The following BCO1 variants were observed in gnomAD, a reference collection of about 807,000 sequenced individuals.
The protein encoded by BCO1 is beta-carotene oxygenase 1.
A neutral mutation model predicts 56.3 loss-of-function variants in BCO1; 54 were observed. The ratio of observed to expected loss-of-function variants is 0.96; its 90% CI spans 0.77 to 1.20. The LOEUF is 1.20. BCO1 is among the 50% of genes most tolerant of loss of function. The pLI is 0.00. For missense variants in BCO1, 801 were observed against 690.9 expected, an observed-to-expected ratio of 1.16 and a Z score of -1.79; for synonymous variants, 318 against 266.1, an observed-to-expected ratio of 1.20 and a Z score of -1.90.
chr16:81,289,165 A>C (rs1447577918), intron 10 of BCO1, among the ~76,000 whole-genome samples: 1 of 152,244 alleles, frequency 6.6e-6, no homozygotes, highest in Admixed American at 6.5e-5. Flanking sequence ...ACGATGCTCA[A>C]CTGCTCTTCC....
chr16:81,268,824 G>C (rs550482855), intron 6 of BCO1, among the ~76,000 whole-genome samples: 1 of 152,154 alleles, frequency 6.6e-6, no homozygotes, highest in East Asian at 1.9e-4. Context: ...TGTCACCCAG[G>C]CTGGAGTGCA....
At chr16:81,246,865 AAAAG>A (rs1309264962) in intron 2 of BCO1, among the ~76,000 whole-genome samples, 8 of 151,222 alleles carry the variant, frequency 5.3e-5, no homozygotes, top group East Asian at 1.9e-4. Context: ...AAAAAAAAAA[AAAAG>A]AAGAGTACAG....
At chr16:81,264,926 T>C in intron 5 of BCO1, 139 bp downstream of exon 5, 2 of 935,836 alleles carry the variant, frequency 2.1e-6, no homozygotes, top group Non-Finnish European at 3.4e-6. Flanking sequence ...ATGAAGTCAG[T>C]ACTTTCCTTT....
At chr16:81,263,915 A>C (rs553600374) in intron 4 of BCO1, 7 of 153,080 alleles carry the variant, frequency 4.6e-5, no homozygotes, top group Admixed American at 1.9e-4. Flanking sequence ...CATCGGTCCA[A>C]CTGATGATGC....
At position 81,238,802 on chromosome 16, in the gene BCO1, G is replaced by T; in HGVS notation, c.-107G>T. On this transcript the variant is annotated 5_prime_UTR_variant, in exon 1 of 11. Transcript: ENST00000258168. Reference sequence around the variant, plus strand: ...GAGACAGAGATGTGAAGGAGGGAAGGAGCAGGAGAGCAGGAAGGAAACGCA... The same window carrying T: ...GAGACAGAGATGTGAAGGAGGGAAGTAGCAGGAGAGCAGGAAGGAAACGCA... The T allele has an allele frequency of 1.1e-6, 1 of 938,826 alleles. No homozygotes were observed. Among genetic ancestry groups the T allele is most frequent in the South Asian group, 1.3e-5 (1 of 75,806 alleles). 58.2% of individuals were successfully genotyped at this position (938,826 alleles called of 1,614,324 possible). A position where few individuals can be genotyped will look rare whatever the true frequency, so the allele number is the denominator to read the frequency against.
chr16:81,290,583 T>A lies in BCO1; in HGVS notation c.*6T>A. 6.2e-7 allele frequency: 1 copy of A among 1,609,768 alleles called. No individual in the cohort carries two copies. Among genetic ancestry groups the A allele is most frequent in the Non-Finnish European group, 8.5e-7 (1 of 1,178,250 alleles). Reference sequence around the variant, plus strand: ...ACGGGGCTCCTCTGACCTGATGGTGTTGGGGTTTGGGTAGGGGAGGGGAGC... The same window carrying A: ...ACGGGGCTCCTCTGACCTGATGGTGATGGGGTTTGGGTAGGGGAGGGGAGC... On this transcript the variant is annotated 3_prime_UTR_variant, in exon 11 of 11. Coordinates refer to ENST00000258168, the MANE Select transcript of BCO1 (RefSeq NM_017429.3).
At chr16:81,279,456 G>T (rs1907741498) in intron 7 of BCO1, among the ~76,000 whole-genome samples, 1 of 152,134 alleles carries the variant, frequency 6.6e-6, no homozygotes, top group East Asian at 1.9e-4. Flanking sequence ...AGTAGTAGTA[G>T]TATGGTAATA....
intron 2 of BCO1, 60 bp downstream of exon 2, chr16:81,245,663 T>C (rs572285070): frequency 2.9e-4 from 472 of 1,604,552 alleles, no homozygotes; most frequent in Non-Finnish European, 3.6e-4. Flanking sequence ...ATGCAGTGCC[T>C]TAAAACAGCA....
chr16:81,255,265 T>C (rs1374433572), intron 2 of BCO1, among the ~76,000 whole-genome samples: 1 of 152,178 alleles, frequency 6.6e-6, no homozygotes, highest in African/African-American at 2.4e-5. Context: ...AGGGCCAGCT[T>C]TAGATGCCCA....
rs181908444 is a variant in BCO1, at chr16:81,255,497, T to A, written c.194-4179T>A. Among the ~76,000 whole-genome samples, 1,330 of 151,198 alleles carry A rather than the reference T, an allele frequency of 8.8e-3. 18 individuals carry two copies. The highest frequency in any genetic ancestry group is 0.031 in the African/African-American group (1,241 of 40,608). On this transcript the variant is annotated intron_variant, in intron 2 of 10. Transcript: ENST00000258168. ...ATTAACAAATGACATTATGTTATTT[T>A]TTTTTATTTTTTATTTTTTTGAGAT...
chr16:81,267,629 G>T (rs1344339251), intron 5 of BCO1, among the ~76,000 whole-genome samples: 1 of 152,104 alleles, frequency 6.6e-6, no homozygotes. Flanking sequence ...ACCGGTGGAG[G>T]CAGGATTTAG....
At position 81,263,156 on chromosome 16, in the gene BCO1, A is replaced by T. The variant is rs866324140; in HGVS notation, c.471+873A>T. On this transcript the variant is annotated intron_variant, in intron 4 of 10. Transcript: ENST00000258168. ...AAAAGTGTCTTGCTCTGTCGCCCAG[A>T]CTGGAGTGCAGTGGTGCGATCTCAG... 3.5e-5 allele frequency: 5 copies of T among 144,506 alleles called. No individual in the cohort carries two copies. The South Asian group carries it at 1.1e-3, about 31-fold the overall frequency. The allele number at this position is 144,506 out of a possible 1,614,324, so 9.0% of individuals were successfully genotyped here.
At chr16:81,268,542 T>C (rs1906980032) in intron 6 of BCO1, among the ~76,000 whole-genome samples, 1 of 152,190 alleles carries the variant, frequency 6.6e-6, no homozygotes, top group African/African-American at 2.4e-5. Flanking sequence ...GCCAGAGGTT[T>C]AGACATTGTA....
intron 1 of BCO1, among the ~76,000 whole-genome samples, chr16:81,242,109 A>G (rs1004603451): frequency 1.0e-4 from 15 of 149,872 alleles, no homozygotes; most frequent in African/African-American, 3.7e-4. Flanking sequence ...GCTCTTTCTC[A>G]AGCCTGCCCC....
chr16:81,290,405 T>C lies in BCO1; in HGVS notation c.1472T>C (p.Ile491Thr). The change falls in exon 11 of 11, where the codon ATT becomes ACT. Residue 491 changes from isoleucine to threonine, a missense_variant. By Grantham distance (89) the Ile-to-Thr change is moderately conservative. Coordinates refer to ENST00000258168, the MANE Select transcript of BCO1 (RefSeq NM_017429.3). ...TDPQKLPFLLILDAKSFTELA... is the reference protein window; with the variant it reads ...TDPQKLPFLLTLDAKSFTELA... ...CCCCAAAAGCTGCCTTTTCTGCTCA[T>C]TCTGGATGCCAAAAGCTTTACGGAA... 6.2e-7 allele frequency: 1 copy of C among 1,614,232 alleles called. No individual in the cohort carries two copies. The highest frequency in any genetic ancestry group is 8.5e-7 in the Non-Finnish European group (1 of 1,180,040).
chr16:81,243,127 G>T (rs11643312), intron 1 of BCO1, among the ~76,000 whole-genome samples: 50,915 of 151,918 alleles, frequency 0.34, 8,698 homozygotes, highest in East Asian at 0.37. Flanking sequence ...AAGGGAGATG[G>T]CTTTTTGGAG....
chr16:81,272,146 C>T (rs1219463840), intron 7 of BCO1, among the ~76,000 whole-genome samples: 2 of 138,968 alleles, frequency 1.4e-5, no homozygotes, highest in African/African-American at 2.7e-5. Context: ...AGGAGTCTCG[C>T]TCTGTGGCCC....
At chr16:81,253,520 T>G (rs987768144) in intron 2 of BCO1, among the ~76,000 whole-genome samples, 3 of 152,206 alleles carry the variant, frequency 2.0e-5, no homozygotes, top group Non-Finnish European at 4.4e-5. Context: ...TTCTGCTCAT[T>G]GTTATATTTT....
At chr16:81,246,913 T>C (rs1905461197) in intron 2 of BCO1, among the ~76,000 whole-genome samples, 1 of 149,508 alleles carries the variant, frequency 6.7e-6, no homozygotes, top group Admixed American at 6.7e-5. Flanking sequence ...ATATTGCCCA[T>C]TAAGCAAGAC....
Sources: allele counts gnomAD v4.1 joint callset (sites outside exome capture counted in the v4.1 genomes callset), GRCh38; gene constraint gnomAD v4.1.1; transcripts MANE v1.5; gene names NCBI Gene and HGNC (gene_info 2026-07-23, HGNC 2026-07-21).